STXBP5L: variants seen among roughly 807,000 people sequenced by gnomAD.
STXBP5L encodes the protein syntaxin binding protein 5L.
STXBP5L carries 65 observed loss-of-function variants against 144.5 expected under a neutral mutation model. The ratio of observed to expected loss-of-function variants is 0.45; its 90% CI spans 0.37 to 0.55. The LOEUF (loss-of-function observed/expected upper bound fraction) is 0.55, where lower values mean the gene tolerates loss of function less well. Ranked by LOEUF, STXBP5L falls within the 20% of genes least tolerant of loss-of-function variation. STXBP5L has a pLI of 0.00. For synonymous variants in STXBP5L, 505 were observed against 469.6 expected, an observed-to-expected ratio of 1.08 and a Z score of -0.97; for missense variants, 1,298 against 1,405.5, an observed-to-expected ratio of 0.92 and a Z score of 1.22.
intron 19 of STXBP5L, among the ~76,000 whole-genome samples, chr3:121,300,450 A>G (rs534074483): frequency 4.1e-4 from 62 of 152,322 alleles, no homozygotes; most frequent in African/African-American, 1.1e-3. Context: ...TGGGATTTAT[A>G]ACATGTAGAA....
In STXBP5L at chr3:121,078,852, G is replaced by A. The variant is rs190803140; in HGVS notation, c.470+33317G>A. The stretch of plus-strand genomic sequence containing the variant: ...AGGGCTGGCCGGCTGCTCTGAGTGC[G>A]GGGCCCGCCAAGCCCATGCCCACCC... On this transcript the variant is annotated intron_variant, in intron 5 of 26. Transcript: ENST00000471454. 1.8e-3 allele frequency among the ~76,000 whole-genome samples: 274 copies of A among 152,358 alleles called. 6 individuals are homozygous for A. The East Asian group carries it at 0.046, about 26-fold the overall frequency.
At chr3:120,996,044 A>G (rs1943321466) in intron 3 of STXBP5L, among the ~76,000 whole-genome samples, 1 of 152,094 alleles carries the variant, frequency 6.6e-6, no homozygotes, top group Non-Finnish European at 1.5e-5. Context: ...CACAATTAGC[A>G]GTTTTCTTTC....
At chr3:121,089,101 A>T (rs1183844920) in intron 5 of STXBP5L, among the ~76,000 whole-genome samples, 2 of 111,772 alleles carry the variant, frequency 1.8e-5, no homozygotes, top group African/African-American at 3.6e-5. Context: ...ATAAAAAAAA[A>T]AAAAAAAAAA....
intron 19 of STXBP5L, among the ~76,000 whole-genome samples, chr3:121,313,251 T>C (rs2043617536): frequency 7.1e-6 from 1 of 140,468 alleles, no homozygotes. Context: ...ACGGGGCGGC[T>C]GGCCGGGCAG....
chr3:120,961,518 G>A (rs77045017), intron 3 of STXBP5L, among the ~76,000 whole-genome samples: 18,264 of 152,094 alleles, frequency 0.12, 1,157 homozygotes, highest in Non-Finnish European at 0.14. Flanking sequence ...GTGAGAACAC[G>A]CAGTGTTTGG....
chr3:121,038,531 G>A (rs890179563), intron 3 of STXBP5L, among the ~76,000 whole-genome samples: 11 of 151,762 alleles, frequency 7.2e-5, no homozygotes, highest in Non-Finnish European at 1.2e-4. Flanking sequence ...TTATCTCTTA[G>A]TAATTGTTTC....
chr3:121,156,620 T>C (rs1332656285), intron 8 of STXBP5L, among the ~76,000 whole-genome samples: 2 of 151,972 alleles, frequency 1.3e-5, no homozygotes, highest in Non-Finnish European at 2.9e-5. Context: ...GCATTGGGAA[T>C]ACAATAGCTT....
rs373910067 is a variant in STXBP5L at position 121,228,037 on chromosome 3, G to C, written c.1111+4880G>C. Among the ~76,000 whole-genome samples the C allele has an allele frequency of 8.5e-5, 13 of 152,256 alleles. No homozygotes were observed. The East Asian group carries it at 2.3e-3, about 27-fold the overall frequency. On this transcript the variant is annotated intron_variant, in intron 11 of 26. Transcript: ENST00000471454. Reference sequence around the variant, plus strand: ...TAACTTAAGATTTGGGTCCTGGAGAGACCTGCCAAAGATGTTAAAAATTTC... The same window carrying C: ...TAACTTAAGATTTGGGTCCTGGAGACACCTGCCAAAGATGTTAAAAATTTC...
intron 3 of STXBP5L, among the ~76,000 whole-genome samples, chr3:120,969,722 A>G (rs1484135742): frequency 6.6e-6 from 1 of 151,924 alleles, no homozygotes; most frequent in Admixed American, 6.6e-5. Context: ...TTTTTGTGTA[A>G]AGTGAGAGAT....
At chr3:121,184,048 C>G (rs1474314112) in intron 9 of STXBP5L, among the ~76,000 whole-genome samples, 1 of 151,870 alleles carries the variant, frequency 6.6e-6, no homozygotes, top group African/African-American at 2.4e-5. Context: ...ACCCAAAAAC[C>G]CCATACAAAG....
chr3:121,316,962 A>T (rs1409366094), intron 19 of STXBP5L, among the ~76,000 whole-genome samples: 1 of 152,202 alleles, frequency 6.6e-6, no homozygotes, highest in Non-Finnish European at 1.5e-5. Flanking sequence ...TCAAGTCAGT[A>T]CACTTTCAAG....
At chr3:120,999,650 G>A (rs984183976) in intron 3 of STXBP5L, among the ~76,000 whole-genome samples, 3 of 151,980 alleles carry the variant, frequency 2.0e-5, no homozygotes, top group African/African-American at 4.8e-5. Context: ...GGACTTTATT[G>A]TGTAGTTGCT....
intron 15 of STXBP5L, among the ~76,000 whole-genome samples, chr3:121,252,180 T>C (rs923306613): frequency 2.6e-5 from 4 of 152,084 alleles, no homozygotes; most frequent in Non-Finnish European, 5.9e-5. Flanking sequence ...GGCAACACGG[T>C]GAAACCCTGT....
At chr3:121,192,389 A>G (rs2108171829) in intron 9 of STXBP5L, among the ~76,000 whole-genome samples, 1 of 152,312 alleles carries the variant, frequency 6.6e-6, no homozygotes, top group Non-Finnish European at 1.5e-5. Flanking sequence ...CAAAATGGCC[A>G]TACTCCCCAA....
chr3:121,089,209 A>C (rs1256636839), intron 5 of STXBP5L, among the ~76,000 whole-genome samples: 2 of 149,888 alleles, frequency 1.3e-5, no homozygotes, highest in Non-Finnish European at 3.0e-5. Context: ...CTTTTTTCCC[A>C]TACTTGATTT....
chr3:121,029,665 G>C (rs896161836), intron 3 of STXBP5L, among the ~76,000 whole-genome samples: 1 of 151,998 alleles, frequency 6.6e-6, no homozygotes, highest in Non-Finnish European at 1.5e-5. Flanking sequence ...GGCAACAAAA[G>C]GCAAAATTGA....
chr3:121,401,743 G>T (rs1391416462), intron 22 of STXBP5L, among the ~76,000 whole-genome samples: 1 of 88,404 alleles, frequency 1.1e-5, no homozygotes, highest in African/African-American at 4.0e-5. Context: ...GGGGACTGTG[G>T]TGGGGTCGGG....
chr3:121,037,804 T>C (rs1946865757), intron 3 of STXBP5L, among the ~76,000 whole-genome samples: 1 of 152,078 alleles, frequency 6.6e-6, no homozygotes, highest in Non-Finnish European at 1.5e-5. Context: ...TGGAGTTTTC[T>C]TTGAGGAAAT....
At chr3:121,336,522 A>AAC (rs1559988545) in intron 20 of STXBP5L, among the ~76,000 whole-genome samples, 3 of 151,792 alleles carry the variant, frequency 2.0e-5, no homozygotes, top group Non-Finnish European at 2.9e-5. Flanking sequence ...AACCAACCAA[A>AAC]CAAACAAACA....
Sources: gnomAD v4.1 joint callset for allele counts (sites outside exome capture counted in the v4.1 genomes callset) on GRCh38, gnomAD v4.1.1 for gene constraint, MANE v1.5 for transcripts, NCBI Gene and HGNC (gene_info 2026-07-23, HGNC 2026-07-21) for gene names.